ELMO1: variants seen among roughly 807,000 people sequenced by gnomAD.
ELMO1 encodes the protein engulfment and cell motility 1.
A neutral mutation model predicts 98.9 loss-of-function variants in ELMO1; 26 were observed. The ratio of observed to expected loss-of-function variants is 0.26; its 90% CI spans 0.19 to 0.36. The LOEUF (loss-of-function observed/expected upper bound fraction) is 0.36, where lower values mean the gene tolerates loss of function less well. Ranked by LOEUF, ELMO1 falls within the 10% of genes least tolerant of loss-of-function variation. The pLI is 1.00. For synonymous variants in ELMO1, 346 were observed against 346.0 expected, an observed-to-expected ratio of 1.00 and a Z score of 0.00; for missense variants, 627 against 935.2, an observed-to-expected ratio of 0.67 and a Z score of 4.30.
rs1022717963 is a variant in ELMO1, at chr7:37,448,705, G to A, written c.-104C>T. On this transcript the variant is annotated 5_prime_UTR_variant, in exon 1 of 22. Transcript: ENST00000310758. ...TGGGGTCGCAGGACAGCAGCGGCAA[G>A]GGTTCCCGGCGATCAGAGCTCCGGC... The A allele has an allele frequency of 6.6e-6, 1 of 152,258 alleles. No homozygotes were observed. The highest frequency in any genetic ancestry group is 2.4e-5 in the African/African-American group (1 of 41,460). The allele number at this position is 152,258 out of a possible 1,614,324, so 9.4% of individuals were successfully genotyped here.
rs771151079 is a variant in ELMO1 at position 36,870,522 on chromosome 7, T to A, written c.1823-47A>T. 1 of 1,582,244 alleles carries A rather than the reference T, an allele frequency of 6.3e-7. No homozygotes were observed. The highest frequency in any genetic ancestry group is 2.2e-5 in the East Asian group (1 of 44,660). On this transcript the variant is annotated intron_variant, in intron 19 of 21. Transcript: ENST00000310758. This position sits in a 1 kb window ranked among gnomAD's most constrained non-coding sequence, Gnocchi z 4.4. ...GCAAGTAACTACACCATGTGAAAAC[T>A]TTGATGTCAATAAAGAAACAGGACT...
At chr7:36,893,798 A>T (rs759046826) in intron 17 of ELMO1, among the ~76,000 whole-genome samples, 4 of 152,160 alleles carry the variant, frequency 2.6e-5, no homozygotes, top group African/African-American at 4.8e-5. Flanking sequence ...TAGCCTTTGC[A>T]TGGGAGTAAG....
intron 13 of ELMO1, among the ~76,000 whole-genome samples, chr7:37,203,856 T>C (rs965216842): frequency 7.9e-5 from 12 of 152,040 alleles, no homozygotes; most frequent in Non-Finnish European, 1.5e-5. Flanking sequence ...ATGGCTTTCC[T>C]CTCTGTCGAC....
At chr7:36,889,689 C>G (rs1315549416) in intron 17 of ELMO1, among the ~76,000 whole-genome samples, 1 of 152,240 alleles carries the variant, frequency 6.6e-6, no homozygotes, top group African/African-American at 2.4e-5. Flanking sequence ...GTAATCTTAA[C>G]TGATGCTTTA....
chr7:36,941,044 G>A (rs1165644802), intron 16 of ELMO1, among the ~76,000 whole-genome samples: 6 of 152,204 alleles, frequency 3.9e-5, no homozygotes, highest in Non-Finnish European at 5.9e-5. Context: ...TATGAAATAT[G>A]CCTAAATAAT....
At chr7:37,112,519 C>G (rs1785312234) in intron 14 of ELMO1, among the ~76,000 whole-genome samples, 1 of 152,146 alleles carries the variant, frequency 6.6e-6, no homozygotes. Flanking sequence ...AGTTTGCAGA[C>G]AGGTGTGAAT....
intron 16 of ELMO1, among the ~76,000 whole-genome samples, chr7:37,002,418 C>T (rs1248337026): frequency 6.6e-6 from 1 of 152,192 alleles, no homozygotes; most frequent in Non-Finnish European, 1.5e-5. Context: ...ACCAGCCATT[C>T]AATCTATCAC....
In ELMO1 at chr7:37,108,318, G is replaced by A. The variant is rs112966928; in HGVS notation, c.1192-11591C>T. On this transcript the variant is annotated intron_variant, in intron 14 of 21. Coordinates refer to ENST00000310758, the MANE Select transcript of ELMO1 (RefSeq NM_014800.11). ...TCCCTCCTAGGGAAACTGCCTCCCC[G>A]ACACCCCTCCCTGACACACTGCCCC... is the stretch of plus-strand genomic sequence containing the variant. Among the ~76,000 whole-genome samples, 300 of 152,124 alleles carry A rather than the reference G, an allele frequency of 2.0e-3. 2 individuals carry two copies. The highest frequency in any genetic ancestry group is 6.7e-3 in the African/African-American group (280 of 41,518).
chr7:37,206,771 T>C (rs1269824465), intron 13 of ELMO1, among the ~76,000 whole-genome samples: 1 of 152,036 alleles, frequency 6.6e-6, no homozygotes, highest in Admixed American at 6.6e-5. Context: ...TATGATGAAA[T>C]TTTTTTGTAA....
intron 14 of ELMO1, among the ~76,000 whole-genome samples, chr7:37,106,461 T>G (rs148016975): frequency 6.6e-6 from 1 of 152,114 alleles, no homozygotes; most frequent in Admixed American, 6.5e-5. Context: ...ATCTTGGAAA[T>G]AGAGAGCACA....
At chr7:37,239,234 C>T (rs768742923) in intron 7 of ELMO1, among the ~76,000 whole-genome samples, 16 of 152,034 alleles carry the variant, frequency 1.1e-4, no homozygotes, top group East Asian at 3.9e-4. Context: ...GGCACGACGT[C>T]GGCTCACTGA....
chr7:37,195,375 G>A (rs115535640), intron 13 of ELMO1, among the ~76,000 whole-genome samples: 1,610 of 152,312 alleles, frequency 0.011, 31 homozygotes, highest in African/African-American at 0.037. Context: ...CAACACATTA[G>A]TCTCTTATTT....
intron 14 of ELMO1, among the ~76,000 whole-genome samples, chr7:37,115,452 C>G (rs1200483842): frequency 6.6e-6 from 1 of 152,100 alleles, no homozygotes; most frequent in Non-Finnish European, 1.5e-5. Flanking sequence ...ATTCAAAAAT[C>G]AGTTAATGTA....
chr7:37,317,694 G>T (rs950407382), intron 2 of ELMO1, among the ~76,000 whole-genome samples: 2 of 152,168 alleles, frequency 1.3e-5, no homozygotes, highest in African/African-American at 4.8e-5. Context: ...GGCAGGGTTT[G>T]TGGGAGAGGT....
chr7:37,167,907 T>C (rs1230468032), intron 13 of ELMO1, among the ~76,000 whole-genome samples: 8 of 152,184 alleles, frequency 5.3e-5, no homozygotes, highest in African/African-American at 1.7e-4. Context: ...TTGGGGAAGT[T>C]CTCCTGGATA....
At chr7:37,138,484 A>G (rs969498821) in intron 13 of ELMO1, among the ~76,000 whole-genome samples, 2 of 152,218 alleles carry the variant, frequency 1.3e-5, no homozygotes, top group African/African-American at 4.8e-5. Flanking sequence ...AGAGATGGAT[A>G]AATTCCTGGA....
intron 13 of ELMO1, among the ~76,000 whole-genome samples, chr7:37,167,364 A>G (rs185826723): frequency 1.3e-5 from 2 of 152,116 alleles, no homozygotes; most frequent in African/African-American, 2.4e-5. Context: ...GTTATGTGTG[A>G]ATTTGATCCT....
At chr7:36,986,421 AC>A (rs375940883) in intron 16 of ELMO1, 63 of 209,502 alleles carry the variant, frequency 3.0e-4, no homozygotes, top group African/African-American at 1.4e-3. Flanking sequence ...TATATCCCCC[AC>A]TTTTTCTTAT....
intron 16 of ELMO1, among the ~76,000 whole-genome samples, chr7:36,965,063 C>T (rs1281604016): frequency 6.6e-6 from 1 of 152,106 alleles, no homozygotes; most frequent in Non-Finnish European, 1.5e-5. Flanking sequence ...AGGAGCTTTC[C>T]TGGCCTGAAA....
Sources: allele counts gnomAD v4.1 joint callset (sites outside exome capture counted in the v4.1 genomes callset), GRCh38; gene constraint gnomAD v4.1.1; non-coding constraint Gnocchi (gnomAD v3.1); transcripts MANE v1.5; gene names NCBI Gene and HGNC (gene_info 2026-07-23, HGNC 2026-07-21).